TANK: variants seen among roughly 807,000 people sequenced by gnomAD.
The protein encoded by TANK is TRAF family member-associated NF-kappa-B activator.
Under a neutral mutation model 43.6 loss-of-function variants are expected in TANK, and 15 were observed. The observed-to-expected ratio is 0.34, with a 90% CI of 0.23 to 0.53. The LOEUF (loss-of-function observed/expected upper bound fraction) is 0.53, where lower values mean the gene tolerates loss of function less well. Among genes scored for constraint, TANK ranks in the 20% least tolerant of loss-of-function variants. The probability of loss-of-function intolerance (pLI) is 0.94; values close to 1 mark genes in which losing one functional copy is unlikely to be tolerated. For synonymous variants in TANK, 162 were observed against 178.2 expected, an observed-to-expected ratio of 0.91 and a Z score of 0.73; for missense variants, 417 against 498.6, an observed-to-expected ratio of 0.84 and a Z score of 1.56.
At chr2:161,198,732 G>A (rs531107266) in intron 2 of TANK, among the ~76,000 whole-genome samples, 3 of 152,280 alleles carry the variant, frequency 2.0e-5, no homozygotes, top group South Asian at 2.1e-4. Context: ...AATCAGGACC[G>A]AAACACAGGA....
At chr2:161,137,419 T>A (rs866473350) in intron 1 of TANK, among the ~76,000 whole-genome samples, 1 of 152,156 alleles carries the variant, frequency 6.6e-6, no homozygotes, top group African/African-American at 2.4e-5. Flanking sequence ...AAATTTTAAA[T>A]TTTTTTTAAT....
Position 161,181,325 on chromosome 2 carries a change from C to T in TANK, c.99+1564C>T, listed in dbSNP as rs186888097. Among the ~76,000 whole-genome samples, 44 of 152,158 alleles carry T rather than the reference C, an allele frequency of 2.9e-4. 2 individuals carry two copies. The South Asian group carries it at 6.2e-3, about 22-fold the overall frequency. Reference sequence around the variant, plus strand: ...ATCCCAGCTACTTGGGAAGCTAAGGCAAGAGAATCACTTGAACCTAGGAGG... The same window carrying T: ...ATCCCAGCTACTTGGGAAGCTAAGGTAAGAGAATCACTTGAACCTAGGAGG... On this transcript the variant is annotated intron_variant, in intron 2 of 7. Transcript: ENST00000392749.
intron 1 of TANK, 187 bp downstream of exon 1, chr2:161,160,673 C>T (rs1558964765): frequency 2.2e-6 from 1 of 462,458 alleles, no homozygotes. Flanking sequence ...CACGCGAGTC[C>T]TTCCCCCGGA....
chr2:161,185,532 A>G (rs768652110), intron 2 of TANK, among the ~76,000 whole-genome samples: 4 of 151,576 alleles, frequency 2.6e-5, no homozygotes, highest in African/African-American at 7.3e-5. Context: ...GGAAGAATAT[A>G]TAACATAGCA....
intron 1 of TANK, among the ~76,000 whole-genome samples, chr2:161,144,226 C>G (rs1252794317): frequency 6.6e-6 from 1 of 150,854 alleles, no homozygotes; most frequent in African/African-American, 2.4e-5. Flanking sequence ...TCTAGGTAGT[C>G]ATCTATTTTG....
intron 1 of TANK, among the ~76,000 whole-genome samples, chr2:161,170,686 A>C (rs1485137033): frequency 6.6e-6 from 1 of 152,180 alleles, no homozygotes; most frequent in African/African-American, 2.4e-5. Context: ...ACCACCGTGG[A>C]TGATTCTAAT....
At chr2:161,179,260 G>A (rs1558977434) in intron 1 of TANK, among the ~76,000 whole-genome samples, 1 of 152,076 alleles carries the variant, frequency 6.6e-6, no homozygotes, top group East Asian at 1.9e-4. Flanking sequence ...TTAATAAAAT[G>A]AAATCCCTTC....
chr2:161,146,406 C>A (rs1683911154), intron 1 of TANK, among the ~76,000 whole-genome samples: 2 of 152,110 alleles, frequency 1.3e-5, no homozygotes, highest in South Asian at 2.1e-4. Flanking sequence ...ACACTCTGAC[C>A]TTTTGGGTTT....
At chr2:161,188,959 G>A (rs1411894712) in intron 2 of TANK, among the ~76,000 whole-genome samples, 1 of 152,234 alleles carries the variant, frequency 6.6e-6, no homozygotes, top group East Asian at 1.9e-4. Context: ...TCCACTATAT[G>A]GAAGATGCTA....
chr2:161,208,383 T>A (rs954396905), intron 4 of TANK, among the ~76,000 whole-genome samples: 4 of 152,182 alleles, frequency 2.6e-5, no homozygotes, highest in African/African-American at 9.6e-5. Flanking sequence ...AAAGCCTCTA[T>A]CATTAGATGA....
chr2:161,194,729 A>G (rs567928023), intron 2 of TANK, among the ~76,000 whole-genome samples: 1 of 152,358 alleles, frequency 6.6e-6, no homozygotes, highest in South Asian at 2.1e-4. Flanking sequence ...CTTGTAAAAC[A>G]TATTTTAAAG....
chr2:161,216,495 C>A, intron 4 of TANK: 1 of 438,522 alleles, frequency 2.3e-6, no homozygotes, highest in East Asian at 7.6e-5. Flanking sequence ...ACTCTTCTTC[C>A]TACTTTTTTT....
chr2:161,187,365 G>C (rs1400680288), intron 2 of TANK, among the ~76,000 whole-genome samples: 1 of 152,110 alleles, frequency 6.6e-6, no homozygotes, highest in African/African-American at 2.4e-5. Context: ...AGAAGTGGAG[G>C]CTGCAGTGAG....
rs142460004 is a variant in TANK at position 161,231,230 on chromosome 2, G to T, written c.780G>T (p.Thr260=). Residue 260 remains threonine (T), a synonymous_variant, in exon 7 of 8, where the codon ACG becomes ACT. Coordinates refer to ENST00000392749, the MANE Select transcript of TANK (RefSeq NM_001199135.3). ...GACCCGGCATCCTTAGTCCTGCCAC[G>T]TCTGAGGCAGTGTGCCAAGAGAAAT... ...PERPGILSPA[T]SEAVCQEKFN... 3 of 1,613,850 alleles carry T rather than the reference G, an allele frequency of 1.9e-6. No homozygotes were observed. The highest frequency in any genetic ancestry group is 2.5e-6 in the Non-Finnish European group (3 of 1,180,016).
At chr2:161,189,400 C>A (rs1202664881) in intron 2 of TANK, among the ~76,000 whole-genome samples, 1 of 152,076 alleles carries the variant, frequency 6.6e-6, no homozygotes, top group African/African-American at 2.4e-5. Context: ...ACGAACTCAA[C>A]AAAATAAAGA....
chr2:161,199,707 A>G (rs1014205243), intron 2 of TANK, among the ~76,000 whole-genome samples: 3 of 152,186 alleles, frequency 2.0e-5, no homozygotes, highest in Non-Finnish European at 4.4e-5. Flanking sequence ...TTTGATCACC[A>G]GTGTTTTAAG....
At chr2:161,220,579 G>A (rs561821596) in intron 4 of TANK, among the ~76,000 whole-genome samples, 3 of 151,960 alleles carry the variant, frequency 2.0e-5, no homozygotes, top group Admixed American at 6.6e-5. Context: ...CTCCAGCCAG[G>A]ACAACAAAAG....
chr2:161,180,086 G>C, intron 2 of TANK: 2 of 1,019,966 alleles, frequency 2.0e-6, no homozygotes, highest in Non-Finnish European at 2.3e-6. Context: ...TTATGACACA[G>C]AAGTATCACT....
intron 1 of TANK, among the ~76,000 whole-genome samples, chr2:161,172,506 T>A (rs1684996287): frequency 6.6e-6 from 1 of 152,134 alleles, no homozygotes; most frequent in African/African-American, 2.4e-5. Context: ...TATAGATAAT[T>A]ATGCAGGTGA....
Sources: allele counts gnomAD v4.1 joint callset (sites outside exome capture counted in the v4.1 genomes callset), GRCh38; gene constraint gnomAD v4.1.1; transcripts MANE v1.5; gene names NCBI Gene and HGNC (gene_info 2026-07-23, HGNC 2026-07-21).